The following GPC5 variants were observed in gnomAD, a reference collection of about 807,000 sequenced individuals.
GPC5 encodes glypican-5.
GPC5 carries 47 observed loss-of-function variants against 53.9 expected under a neutral mutation model. The observed-to-expected ratio is 0.87, with a 90% CI of 0.69 to 1.11. GPC5 has a LOEUF of 1.11. Among genes scored for constraint, GPC5 ranks in the 50% most tolerant of loss-of-function variants. The pLI is 0.00. For missense variants in GPC5, 748 were observed against 713.1 expected (o/e 1.05, Z -0.56); for synonymous variants, 286 against 263.3 (o/e 1.09, Z -0.84).
intron 7 of GPC5, among the ~76,000 whole-genome samples, chr13:92,850,508 A>C (rs1878757338): frequency 6.6e-6 from 1 of 152,152 alleles, no homozygotes; most frequent in Non-Finnish European, 1.5e-5. Flanking sequence ...CTGAGACAGG[A>C]GAATCGCTGG....
chr13:92,267,713 T>C (rs1184744486), intron 7 of GPC5, among the ~76,000 whole-genome samples: 3 of 151,964 alleles, frequency 2.0e-5, no homozygotes, highest in Non-Finnish European at 4.4e-5. Context: ...TTACTCTTTT[T>C]TTGTAAATAA....
intron 6 of GPC5, among the ~76,000 whole-genome samples, chr13:91,931,196 T>A (rs751620528): frequency 3.9e-5 from 6 of 152,012 alleles, no homozygotes; most frequent in Non-Finnish European, 7.4e-5. Flanking sequence ...TTTTTCCACT[T>A]CTGAGGCATT....
chr13:92,170,211 GTTTATA>G (rs2042059594), intron 7 of GPC5, among the ~76,000 whole-genome samples: 1 of 151,538 alleles, frequency 6.6e-6, no homozygotes, highest in Admixed American at 6.6e-5. Context: ...TAGTTTCTAT[GTTTATA>G]TTTATAATTT....
intron 3 of GPC5, among the ~76,000 whole-genome samples, chr13:91,712,474 T>A (rs936750141): frequency 2.0e-5 from 3 of 152,146 alleles, no homozygotes; most frequent in African/African-American, 4.8e-5. Context: ...TAAATATTTT[T>A]AAAATCCATA....
chr13:91,920,382 A>G (rs2039699436), intron 6 of GPC5, among the ~76,000 whole-genome samples: 1 of 152,258 alleles, frequency 6.6e-6, no homozygotes, highest in African/African-American at 2.4e-5. Context: ...AGTAATAGGA[A>G]GTAAAATGAT....
At chr13:91,891,969 A>C (rs1336959565) in intron 5 of GPC5, among the ~76,000 whole-genome samples, 3 of 152,132 alleles carry the variant, frequency 2.0e-5, no homozygotes, top group Non-Finnish European at 4.4e-5. Context: ...ATGGATAAAA[A>C]TATAGTAAAA....
intron 7 of GPC5, among the ~76,000 whole-genome samples, chr13:92,436,816 A>G (rs978720345): frequency 1.3e-5 from 2 of 152,194 alleles, no homozygotes; most frequent in African/African-American, 4.8e-5. Context: ...TGACTAATTT[A>G]TCCTTTTATT....
chr13:91,783,284 A>C (rs1390641447), intron 5 of GPC5, among the ~76,000 whole-genome samples: 1 of 152,076 alleles, frequency 6.6e-6, no homozygotes, highest in Non-Finnish European at 1.5e-5. Flanking sequence ...AAATAAATAC[A>C]ATTTGAAGAC....
chr13:91,600,029 C>T (rs2033124437), intron 2 of GPC5, among the ~76,000 whole-genome samples: 1 of 151,970 alleles, frequency 6.6e-6, no homozygotes, highest in Non-Finnish European at 1.5e-5. Context: ...TCAAGCAATT[C>T]TCTGCCTCAG....
intron 7 of GPC5, among the ~76,000 whole-genome samples, chr13:92,632,525 C>T (rs1885281637): frequency 6.7e-6 from 1 of 149,004 alleles, no homozygotes; most frequent in South Asian, 2.1e-4. Context: ...CATACACACA[C>T]ACAAGCTACC....
intron 2 of GPC5, among the ~76,000 whole-genome samples, chr13:91,662,131 C>A (rs2035002171): frequency 6.6e-6 from 1 of 151,998 alleles, no homozygotes; most frequent in Non-Finnish European, 1.5e-5. Flanking sequence ...AGAACTGAGG[C>A]AGGAGCCCTG....
chr13:92,141,013 G>A (rs74106134), intron 6 of GPC5, among the ~76,000 whole-genome samples: 4,308 of 152,260 alleles, frequency 0.028, 174 homozygotes, highest in African/African-American at 0.085. Context: ...ACTTCCATGT[G>A]GATGTTGGAG....
intron 2 of GPC5, among the ~76,000 whole-genome samples, chr13:91,458,698 T>A (rs1350599185): frequency 1.3e-5 from 2 of 152,112 alleles, no homozygotes; most frequent in Non-Finnish European, 2.9e-5. Flanking sequence ...ATCCCACTAC[T>A]GGATATCTAT....
intron 2 of GPC5, among the ~76,000 whole-genome samples, chr13:91,528,288 G>T (rs1030579947): frequency 2.0e-5 from 3 of 152,144 alleles, no homozygotes; most frequent in Non-Finnish European, 4.4e-5. Context: ...TAAATGCTTT[G>T]CTGCTTAGAA....
At chr13:92,418,436 AAG>A (rs781652558) in intron 7 of GPC5, among the ~76,000 whole-genome samples, 1 of 152,162 alleles carries the variant, frequency 6.6e-6, no homozygotes, top group Non-Finnish European at 1.5e-5. Context: ...TTTAGGGAAA[AAG>A]AGAGTGAGTT....
At chr13:92,409,791 C>T (rs1297367784) in intron 7 of GPC5, among the ~76,000 whole-genome samples, 1 of 152,084 alleles carries the variant, frequency 6.6e-6, no homozygotes, top group Admixed American at 6.6e-5. Context: ...CCTAATTTCC[C>T]ATCAGTAAGG....
rs564956561 is a variant in GPC5, at chr13:91,721,844, T to C, written c.1021-6688T>C. 5.3e-4 allele frequency among the ~76,000 whole-genome samples: 80 copies of C among 152,342 alleles called. No individual in the cohort carries two copies. The Middle Eastern group carries it at 0.01, about 19-fold the overall frequency. On this transcript the variant is annotated intron_variant, in intron 3 of 7. Coordinates refer to ENST00000377067, the MANE Select transcript of GPC5 (RefSeq NM_004466.6). ...TATTTAAACCAATTGACCACCTGGC[T>C]GGAGCACCCCACCCCCACTCTACCC...
chr13:91,867,824 A>ATAT lies in GPC5; in HGVS notation c.1281-40113_1281-40112insTAT, dbSNP rs1340835712. Among the ~76,000 whole-genome samples the ATAT allele has an allele frequency of 2.6e-5, 4 of 152,322 alleles. No homozygotes were observed. In the East Asian group the frequency reaches 7.7e-4, roughly 29 times the overall value. On this transcript the variant is annotated intron_variant, in intron 5 of 7. Coordinates refer to ENST00000377067, the MANE Select transcript of GPC5 (RefSeq NM_004466.6). ...ATTAACTTTTATTATAAATGAACGA[A>ATAT]CAATTGTATAGCATTTCAAATAAAA...
At chr13:91,829,540 G>C (rs1369676003) in intron 5 of GPC5, among the ~76,000 whole-genome samples, 6 of 152,046 alleles carry the variant, frequency 3.9e-5, no homozygotes, top group Non-Finnish European at 8.8e-5. Flanking sequence ...ACACTAGAGT[G>C]TATATGGGTG....
Sources: allele counts gnomAD v4.1 joint callset (sites outside exome capture counted in the v4.1 genomes callset), GRCh38; gene constraint gnomAD v4.1.1; transcripts MANE v1.5; gene names NCBI Gene and HGNC (gene_info 2026-07-23, HGNC 2026-07-21).